RUNX1: variants seen among roughly 807,000 people sequenced by gnomAD.
The protein encoded by RUNX1 is RUNX family transcription factor 1.
In RUNX1, 19 loss-of-function variants were observed where a neutral mutation model predicts 42.8. The ratio of observed to expected loss-of-function variants is 0.44; its 90% CI spans 0.31 to 0.65. The LOEUF (loss-of-function observed/expected upper bound fraction) is 0.65, where lower values mean the gene tolerates loss of function less well. Among genes scored for constraint, RUNX1 ranks in the 30% least tolerant of loss-of-function variants. RUNX1 has a pLI of 0.07. For missense variants in RUNX1, 528 were observed against 672.0 expected (o/e 0.79, Z 2.37); for synonymous variants, 271 against 289.4 (o/e 0.94, Z 0.64).
At chr21:34,847,377 C>T (rs2057331474) in intron 6 of RUNX1, among the ~76,000 whole-genome samples, 2 of 152,168 alleles carry the variant, frequency 1.3e-5, no homozygotes, top group East Asian at 3.9e-4. Flanking sequence ...AATTTCTTCT[C>T]ACCAATCCTG....
At chr21:34,979,196 C>A (rs1352738560) in intron 2 of RUNX1, among the ~76,000 whole-genome samples, 3 of 152,154 alleles carry the variant, frequency 2.0e-5, no homozygotes, top group African/African-American at 7.2e-5. Flanking sequence ...TGACCCACAG[C>A]CCCCGGAATA....
rs2146418397 is a variant in RUNX1, at chr21:34,887,540, G to T, written c.98-444C>A. 2.7e-6 allele frequency: 3 copies of T among 1,130,974 alleles called. No homozygotes were observed. In the South Asian group the frequency reaches 9.9e-5, roughly 37 times the overall value. The allele number at this position is 1,130,974 out of a possible 1,614,324, so 70.1% of individuals were successfully genotyped here. ...TTATTTGGAAGTTCCAGTAGTTAATGCCTGTCAGTTTTTTGCAGGTGAGTT... is the reference window on the plus strand; with the variant it reads ...TTATTTGGAAGTTCCAGTAGTTAATTCCTGTCAGTTTTTTGCAGGTGAGTT... On this transcript the variant is annotated intron_variant, in intron 3 of 8. Transcript: ENST00000675419.
intron 2 of RUNX1, among the ~76,000 whole-genome samples, chr21:35,005,282 A>T (rs1441226430): frequency 6.6e-6 from 1 of 152,082 alleles, no homozygotes; most frequent in Non-Finnish European, 1.5e-5. Context: ...CTGACCCCAC[A>T]ATTTGTCTAC....
chr21:34,942,873 G>C (rs2058537830), intron 2 of RUNX1, among the ~76,000 whole-genome samples: 1 of 152,196 alleles, frequency 6.6e-6, no homozygotes. Context: ...TGAGCTTAGA[G>C]CCTTGGGTCA....
In RUNX1 at chr21:34,791,496, A is replaced by C; in HGVS notation, c.*639T>G. 1 of 232,410 alleles carries C rather than the reference A, an allele frequency of 4.3e-6. No individual in the cohort carries two copies. The highest frequency in any genetic ancestry group is 6.1e-5 in the East Asian group (1 of 16,374). 14.4% of individuals were successfully genotyped at this position (232,410 alleles called of 1,614,324 possible). A position where few individuals can be genotyped will look rare whatever the true frequency, so the allele number is the denominator to read the frequency against. ...AAAAGTCCAAAAGAAAAGTTAAATA[A>C]AACTTAAAGAAAAGGGAATCATATT... On this transcript the variant is annotated 3_prime_UTR_variant, in exon 9 of 9. Transcript: ENST00000675419.
chr21:34,889,986 C>T (rs1370078999), intron 3 of RUNX1, among the ~76,000 whole-genome samples: 2 of 152,134 alleles, frequency 1.3e-5, no homozygotes, highest in Non-Finnish European at 2.9e-5. Flanking sequence ...TTAAGCTCCC[C>T]GGCGCGGGGG....
At chr21:34,832,158 C>T (rs1170669906) in intron 7 of RUNX1, among the ~76,000 whole-genome samples, 5 of 152,206 alleles carry the variant, frequency 3.3e-5, no homozygotes, top group South Asian at 2.1e-4. Flanking sequence ...AAAAAAGGGG[C>T]GATGCTTAGT....
chr21:34,886,750 T>C lies in RUNX1; in HGVS notation c.351+93A>G, dbSNP rs567035001. On this transcript the variant is annotated intron_variant, in intron 4 of 8. Coordinates refer to ENST00000675419, the MANE Select transcript of RUNX1 (RefSeq NM_001754.5). ...GGGCTGCGGGGGCCCCTTTCCAGAA[T>C]CCGGCCCCGCCCGCCTGGCCGCTGC... 4.4e-6 allele frequency: 7 copies of C among 1,588,064 alleles called. No individual in the cohort carries two copies. In the South Asian group the frequency reaches 6.7e-5, roughly 15 times the overall value.
intron 2 of RUNX1, among the ~76,000 whole-genome samples, chr21:34,924,167 C>T (rs750733499): frequency 3.3e-5 from 5 of 152,218 alleles, no homozygotes; most frequent in Non-Finnish European, 7.3e-5. Flanking sequence ...ATCAATCCAA[C>T]TTGGGATCCT....
chr21:34,821,851 T>C lies in RUNX1; in HGVS notation c.805+12559A>G, dbSNP rs551032538. On this transcript the variant is annotated intron_variant, in intron 7 of 8. Coordinates refer to ENST00000675419, the MANE Select transcript of RUNX1 (RefSeq NM_001754.5). Reference sequence around the variant, plus strand: ...TGGAATAGGAATAACAAGATTTCCCTTCCCTTCCACTGAATTGGCCATCAG... The same window carrying C: ...TGGAATAGGAATAACAAGATTTCCCCTCCCTTCCACTGAATTGGCCATCAG... 1.2e-4 allele frequency among the ~76,000 whole-genome samples: 19 copies of C among 152,362 alleles called. No individual in the cohort carries two copies. In the East Asian group the frequency reaches 3.3e-3, roughly 26 times the overall value.
chr21:34,850,134 C>T (rs911187219), intron 6 of RUNX1, among the ~76,000 whole-genome samples: 28 of 152,224 alleles, frequency 1.8e-4, no homozygotes, highest in Admixed American at 5.9e-4. Flanking sequence ...CTAAATCTAC[C>T]TGAAAGCACA....
chr21:34,816,775 A>C (rs543142029), intron 7 of RUNX1, among the ~76,000 whole-genome samples: 1 of 152,264 alleles, frequency 6.6e-6, no homozygotes, highest in South Asian at 2.1e-4. Flanking sequence ...GGGTGTTCAG[A>C]GATCAAGCAG....
intron 2 of RUNX1, among the ~76,000 whole-genome samples, chr21:34,942,917 C>G (rs1360259901): frequency 6.6e-6 from 1 of 152,204 alleles, no homozygotes; most frequent in Non-Finnish European, 1.5e-5. Context: ...TCTCCCCGGA[C>G]CAGATGCACA....
At chr21:34,849,398 T>TTATA (rs1569052624) in intron 6 of RUNX1, among the ~76,000 whole-genome samples, 1 of 47,680 alleles carries the variant, frequency 2.1e-5, no homozygotes, top group African/African-American at 8.0e-5. Context: ...ATATAATATA[T>TTATA]TATACTATAT....
At chr21:34,853,019 C>A (rs987496016) in intron 6 of RUNX1, among the ~76,000 whole-genome samples, 1 of 152,214 alleles carries the variant, frequency 6.6e-6, no homozygotes, top group Non-Finnish European at 1.5e-5. Context: ...GGGCCCTCCA[C>A]GAAACCCTTT....
At chr21:34,876,272 A>C (rs1173175770) in intron 5 of RUNX1, among the ~76,000 whole-genome samples, 3 of 152,234 alleles carry the variant, frequency 2.0e-5, no homozygotes, top group African/African-American at 7.2e-5. Flanking sequence ...GGTTTCAAGG[A>C]GATCTACTTT....
chr21:34,791,569 T>C lies in RUNX1; in HGVS notation c.*566A>G, dbSNP rs1339314306. On this transcript the variant is annotated 3_prime_UTR_variant, in exon 9 of 9. Coordinates refer to ENST00000675419, the MANE Select transcript of RUNX1 (RefSeq NM_001754.5). ...AAGAAGCAAGCTCAATTTATATATA[T>C]TTATATAAACGTATATAAAAATAAA... 1 of 229,486 alleles carries C rather than the reference T, an allele frequency of 4.4e-6. No homozygotes were observed. Among genetic ancestry groups the C allele is most frequent in the Non-Finnish European group, 8.6e-6 (1 of 115,728 alleles). The allele number at this position is 229,486 out of a possible 1,614,324, so 14.2% of individuals were successfully genotyped here. A position where few individuals can be genotyped will look rare whatever the true frequency, so the allele number is the denominator to read the frequency against.
In RUNX1 at chr21:34,790,371, A is replaced by G. The variant is rs1247383053; in HGVS notation, c.*1764T>C. On this transcript the variant is annotated 3_prime_UTR_variant, in exon 9 of 9. Transcript: ENST00000675419. Reference sequence around the variant, plus strand: ...CTGTTCTGAAGTCCTGCTTTCAAATACTCTTCAGAGTTGACCTGAAATCGT... The same window carrying G: ...CTGTTCTGAAGTCCTGCTTTCAAATGCTCTTCAGAGTTGACCTGAAATCGT... 8.6e-6 allele frequency: 2 copies of G among 233,608 alleles called. No individual in the cohort carries two copies. The highest frequency in any genetic ancestry group is 1.2e-4 in the East Asian group (2 of 16,588). 14.5% of individuals were successfully genotyped at this position (233,608 alleles called of 1,614,324 possible).
At chr21:34,976,128 CAAAAA>C (rs34633513) in intron 2 of RUNX1, among the ~76,000 whole-genome samples, 1 of 119,518 alleles carries the variant, frequency 8.4e-6, no homozygotes, top group Admixed American at 8.6e-5. Flanking sequence ...TTGGTCTTTC[CAAAAA>C]AAAAAAAAAA....
Sources: allele counts gnomAD v4.1 joint callset (sites outside exome capture counted in the v4.1 genomes callset), GRCh38; gene constraint gnomAD v4.1.1; transcripts MANE v1.5; gene names NCBI Gene and HGNC (gene_info 2026-07-23, HGNC 2026-07-21).